Variants in UGT1A4 observed in about 807,000 individuals in gnomAD.
UGT1A4 encodes the protein UDP-glucuronosyltransferase 1A4.
In UGT1A4, 32 loss-of-function variants were observed where a neutral mutation model predicts 41.1. That is an observed-to-expected ratio of 0.78 (90% CI 0.59 to 1.05). The LOEUF is 1.05. Among genes scored for constraint, UGT1A4 ranks in the 50% least tolerant of loss-of-function variants. The pLI is 0.00. For synonymous variants in UGT1A4, 283 were observed against 265.1 expected (o/e 1.07, Z -0.66); for missense variants, 748 against 677.4 (o/e 1.10, Z -1.16).
chr2:233,753,819 A>AG (rs1295760260), intron 1 of UGT1A4, among the ~76,000 whole-genome samples: 1 of 152,236 alleles, frequency 6.6e-6, no homozygotes, highest in African/African-American at 2.4e-5. Context: ...GAACCACGTT[A>AG]GGGCTGAAGA....
intron 1 of UGT1A4, among the ~76,000 whole-genome samples, chr2:233,757,972 C>G (rs768947894): frequency 2.6e-4 from 40 of 152,096 alleles, no homozygotes; most frequent in Non-Finnish European, 3.4e-4. Context: ...TTTCTCAGCC[C>G]CTAGAGCACC....
In UGT1A4 at chr2:233,719,438, A is replaced by C. The variant is rs755711754; in HGVS notation, c.618A>C (p.Thr206=). 1.9e-6 allele frequency: 3 copies of C among 1,613,802 alleles called. No homozygotes were observed. In the African/African-American group the frequency reaches 4.0e-5, roughly 22 times the overall value. The part of the protein sequence containing the change: ...KLLTTNSDHM[T]FLQRVKNMLY... ...TAACGACCAATTCAGACCACATGAC[A>C]TTCCTGCAAAGGGTCAAGAACATGC... The change falls in exon 1 of 5, where the codon ACA becomes ACC. Residue 206 remains threonine (T), a synonymous_variant. Transcript: ENST00000373409.
At position 233,767,472 on chromosome 2, in the gene UGT1A4, A is replaced by G. The variant is rs1018124; in HGVS notation, c.999+307A>G. 0.091 allele frequency among the ~76,000 whole-genome samples: 13,872 copies of G among 152,248 alleles called. 828 individuals carry two copies. The highest frequency in any genetic ancestry group is 0.2 in the East Asian group (1,015 of 5,184). On this transcript the variant is annotated intron_variant, in intron 2 of 4. Coordinates refer to ENST00000373409, the MANE Select transcript of UGT1A4 (RefSeq NM_007120.3). ...AATAAATGGGATATTGTTTCTTCAT[A>G]TTAAATAGAAGTATTTCTCCAAAAA...
intron 1 of UGT1A4, chr2:233,760,792 G>A (rs1185395607): frequency 1.2e-6 from 2 of 1,613,510 alleles, no homozygotes; most frequent in Non-Finnish European, 1.7e-6. Context: ...TCTGCCCACT[G>A]TATTCTTCTT....
intron 1 of UGT1A4, among the ~76,000 whole-genome samples, chr2:233,734,862 C>T (rs1280168224): frequency 6.6e-6 from 1 of 152,224 alleles, no homozygotes; most frequent in Admixed American, 6.5e-5. Flanking sequence ...AATTTGACTG[C>T]ACTATGGTCT....
At chr2:233,747,557 A>C (rs1485247055) in intron 1 of UGT1A4, 7 of 1,596,092 alleles carry the variant, frequency 4.4e-6, no homozygotes, top group Non-Finnish European at 6.0e-6. Flanking sequence ...AAAGTATGGC[A>C]ATTTTGAAAA....
At chr2:233,762,431 A>G (rs1698072328) in intron 1 of UGT1A4, among the ~76,000 whole-genome samples, 1 of 152,242 alleles carries the variant, frequency 6.6e-6, no homozygotes, top group Non-Finnish European at 1.5e-5. Context: ...ATAGAGTAAC[A>G]GTGTATTCCC....
intron 1 of UGT1A4, chr2:233,760,559 C>A (rs776620061): frequency 1.2e-6 from 2 of 1,614,238 alleles, no homozygotes; most frequent in Admixed American, 3.3e-5. Flanking sequence ...GTGAAAGAGT[C>A]TTTTGTTAGT....
chr2:233,723,506 G>T (rs2077088839), intron 1 of UGT1A4, among the ~76,000 whole-genome samples: 1 of 130,702 alleles, frequency 7.7e-6, no homozygotes, highest in Non-Finnish European at 1.6e-5. Context: ...CACTGCACCT[G>T]GTCAACAATC....
intron 1 of UGT1A4, chr2:233,747,358 G>A (rs1172361388): frequency 8.7e-6 from 14 of 1,603,108 alleles, no homozygotes; most frequent in Middle Eastern, 1.7e-4. Flanking sequence ...GAGGCCGTGC[G>A]GGAGCTCCAT....
chr2:233,719,135 T>A lies in UGT1A4; in HGVS notation c.315T>A (p.His105Gln), dbSNP rs1671719594. 2.5e-6 allele frequency: 4 copies of A among 1,614,272 alleles called. No individual in the cohort carries two copies. The highest frequency in any genetic ancestry group is 3.4e-6 in the Non-Finnish European group (4 of 1,180,058). Reference protein sequence around the residue: ...GYTQGFFETEHLLKRYSRSMA... With the variant: ...GYTQGFFETEQLLKRYSRSMA... Reference sequence around the variant, plus strand: ...CTCAAGGGTTCTTTGAAACAGAACATCTTCTGAAGAGATATTCTAGAAGTA... The same window carrying A: ...CTCAAGGGTTCTTTGAAACAGAACAACTTCTGAAGAGATATTCTAGAAGTA... The change falls in exon 1 of 5, where the codon CAT (histidine) becomes CAA (glutamine). Residue 105 changes from histidine (H) to glutamine (Q), a missense_variant. Coordinates refer to ENST00000373409, the MANE Select transcript of UGT1A4 (RefSeq NM_007120.3).
At chr2:233,753,836 T>C (rs1228846526) in intron 1 of UGT1A4, among the ~76,000 whole-genome samples, 5 of 152,234 alleles carry the variant, frequency 3.3e-5, no homozygotes, top group African/African-American at 1.2e-4. Context: ...AAGACAGTCC[T>C]AGTATATCAT....
rs770662663 is a variant in UGT1A4, at chr2:233,769,604, A to G, written c.1307+1165A>G. 1.9e-6 allele frequency: 3 copies of G among 1,612,850 alleles called. No homozygotes were observed. In the South Asian group the frequency reaches 3.3e-5, roughly 18 times the overall value. On this transcript the variant is annotated intron_variant, in intron 4 of 4. Transcript: ENST00000373409. The surrounding 1 kb of genome is among the most constrained non-coding windows in gnomAD (Gnocchi z 4.4). ...AGATGAGAGGAGACGGAACACGGGG[A>G]CACACCAGCTTGAGCAAGGGACAAC...
At chr2:233,743,823 G>C (rs752406673) in intron 1 of UGT1A4, 36 of 1,367,252 alleles carry the variant, frequency 2.6e-5, no homozygotes, top group Non-Finnish European at 3.4e-5. Flanking sequence ...TTTTTGTCGG[G>C]GTGCCACTTG....
intron 1 of UGT1A4, among the ~76,000 whole-genome samples, chr2:233,746,796 G>A (rs1217306288): frequency 1.3e-5 from 2 of 151,816 alleles, no homozygotes; most frequent in Admixed American, 1.3e-4. Flanking sequence ...TAATTCATGA[G>A]CGTGAATGTG....
chr2:233,772,677 A>C lies in UGT1A4; in HGVS notation c.*118A>C. The C allele has an allele frequency of 1.4e-5, 22 of 1,531,978 alleles. No homozygotes were observed. The highest frequency in any genetic ancestry group is 1.8e-5 in the Non-Finnish European group (21 of 1,142,190). 94.9% of individuals were successfully genotyped at this position (1,531,978 alleles called of 1,614,324 possible). On this transcript the variant is annotated 3_prime_UTR_variant, in exon 5 of 5. Transcript: ENST00000373409. Reference sequence around the variant, plus strand: ...ATTAAGGAAATACTTTGCATAAATTAATCAGCCCCAGAGTGCTTTAAAAAA... The same window carrying C: ...ATTAAGGAAATACTTTGCATAAATTCATCAGCCCCAGAGTGCTTTAAAAAA...
chr2:233,770,282 A>G (rs1416601751), intron 4 of UGT1A4: 1 of 152,218 alleles, frequency 6.6e-6, no homozygotes, highest in Admixed American at 6.5e-5. Context: ...CAAAATAAAA[A>G]GAAGTGGAAA....
At chr2:233,746,830 T>C (rs2125880707) in intron 1 of UGT1A4, among the ~76,000 whole-genome samples, 1 of 151,918 alleles carries the variant, frequency 6.6e-6, no homozygotes, top group South Asian at 2.1e-4. Context: ...TGCCTACCAC[T>C]GTTGGGGACC....
At chr2:233,740,327 T>C (rs1299928906) in intron 1 of UGT1A4, among the ~76,000 whole-genome samples, 2 of 151,910 alleles carry the variant, frequency 1.3e-5, no homozygotes, top group Non-Finnish European at 2.9e-5. Context: ...TCTGCATTTA[T>C]TGAGAAAGTT....
Sources: allele counts gnomAD v4.1 joint callset (sites outside exome capture counted in the v4.1 genomes callset), GRCh38; gene constraint gnomAD v4.1.1; non-coding constraint Gnocchi (gnomAD v3.1); transcripts MANE v1.5; gene names NCBI Gene and HGNC (gene_info 2026-07-23, HGNC 2026-07-21).